Variants in ATP11B observed in about 807,000 individuals in gnomAD.
The protein encoded by ATP11B is ATPase phospholipid transporting 11B (putative), also known as phospholipid-transporting ATPase IF.
ATP11B carries 81 observed loss-of-function variants against 157.8 expected under a neutral mutation model. The ratio of observed to expected loss-of-function variants is 0.51; its 90% CI spans 0.43 to 0.62. The LOEUF is 0.62. Among genes scored for constraint, ATP11B ranks in the 20% least tolerant of loss-of-function variants. The probability of loss-of-function intolerance (pLI) is 0.00; values close to 1 mark genes in which losing one functional copy is unlikely to be tolerated. For synonymous variants in ATP11B, 451 were observed against 469.4 expected, an observed-to-expected ratio of 0.96 and a Z score of 0.51; for missense variants, 1,165 against 1,402.2, an observed-to-expected ratio of 0.83 and a Z score of 2.70.
intron 4 of ATP11B, among the ~76,000 whole-genome samples, chr3:182,834,536 A>G (rs12485254): frequency 0.52 from 79,528 of 152,010 alleles, 23,736 homozygotes; most frequent in Non-Finnish European, 0.68. Flanking sequence ...ACATAGAACA[A>G]AACCTATTCT....
chr3:182,850,018 C>CGTG (rs144012905), intron 10 of ATP11B, among the ~76,000 whole-genome samples: 2,515 of 152,254 alleles, frequency 0.017, 28 homozygotes, highest in Admixed American at 0.024. Flanking sequence ...AAGAGAAATG[C>CGTG]ATCACATGTA....
intron 4 of ATP11B, among the ~76,000 whole-genome samples, chr3:182,832,442 A>C (rs979795354): frequency 5.3e-5 from 8 of 152,232 alleles, no homozygotes; most frequent in Non-Finnish European, 1.2e-4. Context: ...TTTCTCATTT[A>C]AATACACAGA....
intron 9 of ATP11B, among the ~76,000 whole-genome samples, chr3:182,848,022 A>T (rs962154014): frequency 6.6e-6 from 1 of 152,264 alleles, no homozygotes; most frequent in East Asian, 1.9e-4. Context: ...TATCTCTCCA[A>T]TGGTTATGGA....
intron 7 of ATP11B, among the ~76,000 whole-genome samples, chr3:182,840,367 AC>A (rs1718911640): frequency 6.6e-6 from 1 of 151,738 alleles, no homozygotes; most frequent in Non-Finnish European, 1.5e-5. Flanking sequence ...TCTCTACCTT[AC>A]CTTTCGCTAT....
chr3:182,831,536 G>A (rs569636334), intron 4 of ATP11B, among the ~76,000 whole-genome samples: 9 of 151,134 alleles, frequency 6.0e-5, no homozygotes, highest in Non-Finnish European at 7.4e-5. Context: ...ACATAAAGAC[G>A]TACAGAGTCT....
intron 1 of ATP11B, among the ~76,000 whole-genome samples, chr3:182,800,938 T>A (rs556016828): frequency 7.0e-5 from 10 of 142,158 alleles, no homozygotes; most frequent in Non-Finnish European, 1.5e-4. Context: ...TAGCTGGGAT[T>A]ACAGGCACGT....
intron 29 of ATP11B, chr3:182,916,060 T>C (rs988636231): frequency 9.1e-6 from 9 of 985,342 alleles, no homozygotes; most frequent in Non-Finnish European, 1.1e-5. Flanking sequence ...TAAAGTCATA[T>C]AATAACACCA....
At chr3:182,908,196 C>CTTTTTTTTTTTTTTT (rs10716562) in intron 28 of ATP11B, among the ~76,000 whole-genome samples, 21 of 70,748 alleles carry the variant, frequency 3.0e-4, no homozygotes, top group African/African-American at 4.0e-4. Flanking sequence ...TTATTATTTT[C>CTTTTTTTTTTTTTTT]TTTTTTTTTT....
At chr3:182,907,170 C>T (rs1724429866) in intron 28 of ATP11B, among the ~76,000 whole-genome samples, 1 of 151,942 alleles carries the variant, frequency 6.6e-6, no homozygotes, top group African/African-American at 2.4e-5. Flanking sequence ...CCCTGACAAC[C>T]ATTTCGAGAC....
chr3:182,801,601 A>G (rs142731981), intron 1 of ATP11B, among the ~76,000 whole-genome samples: 116 of 152,254 alleles, frequency 7.6e-4, no homozygotes, highest in African/African-American at 2.6e-3. Flanking sequence ...ATCTTGTTTT[A>G]TCTATTCCCC....
intron 1 of ATP11B, among the ~76,000 whole-genome samples, chr3:182,800,950 C>A (rs1331021020): frequency 2.7e-5 from 4 of 150,196 alleles, no homozygotes; most frequent in Non-Finnish European, 4.4e-5. Flanking sequence ...CAGGCACGTC[C>A]CACCATGCCC....
Position 182,828,197 on chromosome 3 carries a change from A to AT in ATP11B, c.227dup (p.Leu76PhefsTer7). 6.8e-7 allele frequency: 1 copy of AT among 1,479,884 alleles called. No individual in the cohort carries two copies. Among genetic ancestry groups the AT allele is most frequent in the Non-Finnish European group, 9.2e-7 (1 of 1,092,468 alleles). The allele number at this position is 1,479,884 out of a possible 1,614,324, so 91.7% of individuals were successfully genotyped here. A position where few individuals can be genotyped will look rare whatever the true frequency, so the allele number is the denominator to read the frequency against. On this transcript the variant is annotated frameshift_variant, in exon 3 of 30. Transcript: ENST00000323116. LOFTEE classifies it high-confidence loss of function. ...TGGCAAACTTTTATTTTCTTATTATATTTTTGGTTCAGGTAAGCTTTATTA... is the reference window on the plus strand; with the variant it reads ...TGGCAAACTTTTATTTTCTTATTATATTTTTTGGTTCAGGTAAGCTTTATTA...
At chr3:182,879,009 A>G (rs1462577169) in intron 19 of ATP11B, among the ~76,000 whole-genome samples, 1 of 152,208 alleles carries the variant, frequency 6.6e-6, no homozygotes, top group Non-Finnish European at 1.5e-5. Context: ...ACAGCGGCTC[A>G]CACCTGTAAT....
chr3:182,830,427 G>C (rs554729988), intron 4 of ATP11B, among the ~76,000 whole-genome samples: 1 of 152,086 alleles, frequency 6.6e-6, no homozygotes, highest in Non-Finnish European at 1.5e-5. Flanking sequence ...TTCAATCAGA[G>C]CATGAATTGA....
intron 4 of ATP11B, among the ~76,000 whole-genome samples, chr3:182,832,949 A>T (rs964833674): frequency 3.9e-5 from 6 of 152,048 alleles, no homozygotes; most frequent in South Asian, 2.1e-4. Flanking sequence ...TATTATTATT[A>T]TTTTTAAATA....
intron 29 of ATP11B, chr3:182,916,162 G>A: frequency 1.0e-6 from 1 of 985,262 alleles, no homozygotes; most frequent in Non-Finnish European, 1.2e-6. Context: ...GATACATAGA[G>A]TTCTCTTTTT....
At position 182,820,259 on chromosome 3, in the gene ATP11B, G is replaced by C; in HGVS notation, c.28-1G>C. 2.5e-6 allele frequency: 4 copies of C among 1,606,206 alleles called. No homozygotes were observed. Among genetic ancestry groups the C allele is most frequent in the Non-Finnish European group, 3.4e-6 (4 of 1,172,858 alleles). On this transcript the variant is annotated splice_acceptor_variant, in intron 1 of 29. Transcript: ENST00000323116. LOFTEE classifies it high-confidence loss of function. ...TTTTTCTCTTGCTTGATTGGTCTTAGGGTTTTGACCCACCACATCAGAGTG... is the reference window on the plus strand; with the variant it reads ...TTTTTCTCTTGCTTGATTGGTCTTACGGTTTTGACCCACCACATCAGAGTG...
chr3:182,905,911 G>T, intron 28 of ATP11B: 1 of 456,488 alleles, frequency 2.2e-6, no homozygotes, highest in South Asian at 1.5e-5. Flanking sequence ...CAGTTGTTGC[G>T]TGCACTAGGT....
At chr3:182,823,553 T>C (rs10049141) in intron 2 of ATP11B, among the ~76,000 whole-genome samples, 107,269 of 151,844 alleles carry the variant, frequency 0.71, 38,339 homozygotes, top group Non-Finnish European at 0.76. Flanking sequence ...TAGCGTGATG[T>C]CTTCAGCTTT....
Sources: allele counts gnomAD v4.1 joint callset (sites outside exome capture counted in the v4.1 genomes callset), GRCh38; gene constraint gnomAD v4.1.1; transcripts MANE v1.5; gene names NCBI Gene and HGNC (gene_info 2026-07-23, HGNC 2026-07-21).